The following VPS37A variants were observed in gnomAD, a reference collection of about 807,000 sequenced individuals.
The protein encoded by VPS37A is VPS37A subunit of ESCRT-I.
Under a neutral mutation model 49.8 loss-of-function variants are expected in VPS37A, and 30 were observed. The observed-to-expected ratio is 0.60, with a 90% confidence interval of 0.45 to 0.82. The LOEUF (loss-of-function observed/expected upper bound fraction) is 0.82. Ranked by LOEUF, VPS37A falls within the 40% of genes least tolerant of loss-of-function variation. VPS37A has a pLI of 0.00. For synonymous variants in VPS37A, 195 were observed against 160.6 expected (o/e 1.21, Z -1.62); for missense variants, 593 against 464.4 (o/e 1.28, Z -2.55).
intron 4 of VPS37A, chr8:17,272,117 A>G: frequency 2.2e-6 from 1 of 456,060 alleles, no homozygotes; most frequent in South Asian, 1.6e-5. Flanking sequence ...TAAACTTTCC[A>G]CTAATAAAAA....
chr8:17,300,171 C>T, downstream of VPS37A: 1 of 1,614,062 alleles, frequency 6.2e-7, no homozygotes, highest in Non-Finnish European at 8.5e-7. Context: ...GCTCACTTTG[C>T]TTACTCTTCA....
rs139635189 is a variant in VPS37A at position 17,260,269 on chromosome 8, T to C, written c.126-5638T>C. On this transcript the variant is annotated intron_variant, in intron 1 of 11. Coordinates refer to ENST00000324849, the MANE Select transcript of VPS37A (RefSeq NM_152415.3). ...TTTCATGAGGTTTACAAAAAACATA[T>C]ATGTAATAAGTTATTTCAAAGAGAC... Among the ~76,000 whole-genome samples, 69 of 152,260 alleles carry C rather than the reference T, an allele frequency of 4.5e-4. 1 individual carries two copies. Among genetic ancestry groups the C allele is most frequent in the African/African-American group, 1.6e-3 (68 of 41,568 alleles).
intron 1 of VPS37A, among the ~76,000 whole-genome samples, chr8:17,263,149 T>G (rs1250503137): frequency 6.6e-6 from 1 of 152,102 alleles, no homozygotes; most frequent in Admixed American, 6.5e-5. Context: ...CTTACAAAAT[T>G]GATGTACAGT....
chr8:17,282,414 C>T lies in VPS37A; in HGVS notation c.969+1971C>T, dbSNP rs185808731. 7.9e-4 allele frequency among the ~76,000 whole-genome samples: 120 copies of T among 152,066 alleles called. 3 individuals carry two copies. The East Asian group carries it at 0.022, about 27-fold the overall frequency. On this transcript the variant is annotated intron_variant, in intron 9 of 11. Coordinates refer to ENST00000324849, the MANE Select transcript of VPS37A (RefSeq NM_152415.3). ...CGTCAACTAGCTTCTAGGATTTTTT[C>T]TTTAAGATTATGGTGGGAAAAGCCT...
At chr8:17,261,354 C>G (rs916146622) in intron 1 of VPS37A, among the ~76,000 whole-genome samples, 4 of 152,116 alleles carry the variant, frequency 2.6e-5, no homozygotes, top group Non-Finnish European at 4.4e-5. Flanking sequence ...TTAAATTTCT[C>G]TGATAAATTT....
At chr8:17,317,978 T>C in the VPS37A span, among the ~76,000 whole-genome samples, 3 of 152,172 alleles carry the variant, frequency 2.0e-5, no homozygotes, top group Non-Finnish European at 4.4e-5. Context: ...TTATATGTTG[T>C]GTTTAACTGG....
chr8:17,265,856 C>T lies in VPS37A; in HGVS notation c.126-51C>T, dbSNP rs1490095965. 5 of 1,611,484 alleles carry T rather than the reference C, an allele frequency of 3.1e-6. No homozygotes were observed. In the African/African-American group the frequency reaches 4.0e-5, roughly 13 times the overall value. On this transcript the variant is annotated intron_variant, in intron 1 of 11. Coordinates refer to ENST00000324849, the MANE Select transcript of VPS37A (RefSeq NM_152415.3). ...TCTAGCACTTAACATTGGTTTTTAACAATAATGGTTTCATGACTTTGGGTA... is the reference window on the plus strand; with the variant it reads ...TCTAGCACTTAACATTGGTTTTTAATAATAATGGTTTCATGACTTTGGGTA...
At chr8:17,313,328 A>T in the VPS37A span, 1 of 1,613,296 alleles carries the variant, frequency 6.2e-7, no homozygotes, top group African/African-American at 1.3e-5. Flanking sequence ...TTATGGCTTT[A>T]ATGTGCCTTA....
At chr8:17,278,467 G>T (rs9644664) in intron 6 of VPS37A, among the ~76,000 whole-genome samples, 79,602 of 151,848 alleles carry the variant, frequency 0.52, 23,979 homozygotes, top group African/African-American at 0.81. Context: ...ATTATCACCT[G>T]TCACAATAAT....
intron 11 of VPS37A, among the ~76,000 whole-genome samples, chr8:17,293,415 G>C (rs1199795550): frequency 6.6e-6 from 1 of 151,894 alleles, no homozygotes; most frequent in Non-Finnish European, 1.5e-5. Context: ...TGCTCCTTTA[G>C]CTCTAAGGAG....
At chr8:17,326,303 TAA>T in the VPS37A span, 5 of 152,198 alleles carry the variant, frequency 3.3e-5, no homozygotes, top group Non-Finnish European at 5.9e-5. Context: ...AAAATGAAGA[TAA>T]GAGTGGCAAC....
intron 7 of VPS37A, 39 bp from the exon 8 acceptor site, chr8:17,280,200 C>T (rs1586033311): frequency 7.4e-6 from 12 of 1,611,034 alleles, no homozygotes; most frequent in Admixed American, 1.7e-5. Context: ...AAAAAAATCT[C>T]ATCTTTACCT....
intron 10 of VPS37A, among the ~76,000 whole-genome samples, chr8:17,285,574 G>C (rs1563284472): frequency 6.6e-6 from 1 of 152,096 alleles, no homozygotes; most frequent in Non-Finnish European, 1.5e-5. Context: ...ACATCTGTGA[G>C]ACATACACAC....
chr8:17,261,475 CTT>C (rs1358096141), intron 1 of VPS37A, among the ~76,000 whole-genome samples: 1 of 152,160 alleles, frequency 6.6e-6, no homozygotes, highest in Admixed American at 6.5e-5. Flanking sequence ...GTCATTTGTT[CTT>C]TGTTTCATCC....
At chr8:17,247,780 A>T in intron 1 of VPS37A, 1 of 702,576 alleles carries the variant, frequency 1.4e-6, no homozygotes. Flanking sequence ...TTCACAAAGA[A>T]TGGAAAATAG....
At chr8:17,270,501 AAG>A (rs1384248132) in intron 4 of VPS37A, among the ~76,000 whole-genome samples, 1 of 152,080 alleles carries the variant, frequency 6.6e-6, no homozygotes, top group East Asian at 1.9e-4. Flanking sequence ...TCAGGATCCC[AAG>A]AGAGAGAGCA....
chr8:17,316,109 T>A, the VPS37A span, among the ~76,000 whole-genome samples: 8 of 152,202 alleles, frequency 5.3e-5, no homozygotes, highest in African/African-American at 1.9e-4. Flanking sequence ...CTTTTTGTCC[T>A]TTCACTACTT....
intron 11 of VPS37A, among the ~76,000 whole-genome samples, chr8:17,293,355 C>A (rs1276686506): frequency 1.3e-5 from 2 of 151,942 alleles, no homozygotes; most frequent in Admixed American, 1.3e-4. Context: ...GTTAGCAATT[C>A]TTCTAACCTT....
intron 9 of VPS37A, among the ~76,000 whole-genome samples, chr8:17,283,314 C>A (rs1398531551): frequency 6.6e-6 from 1 of 152,020 alleles, no homozygotes; most frequent in East Asian, 1.9e-4. Context: ...TGCCACCACA[C>A]CTGGCTAATT....
Sources: gnomAD v4.1 joint callset for allele counts (sites outside exome capture counted in the v4.1 genomes callset) on GRCh38, gnomAD v4.1.1 for gene constraint, MANE v1.5 for transcripts, NCBI Gene and HGNC (gene_info 2026-07-23, HGNC 2026-07-21) for gene names.